The following KLRD1 variants were observed in gnomAD, a reference collection of about 807,000 sequenced individuals.
KLRD1 encodes the protein natural killer cells antigen CD94.
KLRD1 carries 21 observed loss-of-function variants against 22.6 expected under a neutral mutation model. The observed-to-expected ratio is 0.93, with a 90% CI of 0.66 to 1.34. The LOEUF is 1.34. KLRD1 is among the 40% of genes most tolerant of loss of function. The pLI is 0.00. For synonymous variants in KLRD1, 59 were observed against 71.1 expected (o/e 0.83, Z 0.85); for missense variants, 183 against 208.6 (o/e 0.88, Z 0.76).
intron 1 of KLRD1, among the ~76,000 whole-genome samples, chr12:10,258,196 C>T (rs920449788): frequency 6.6e-6 from 1 of 152,102 alleles, no homozygotes; most frequent in Non-Finnish European, 1.5e-5. Context: ...CCAAAGGAAA[C>T]AGAATTTCTT....
intron 1 of KLRD1, among the ~76,000 whole-genome samples, chr12:10,254,444 A>AC (rs1949374678): frequency 6.6e-6 from 1 of 150,854 alleles, no homozygotes; most frequent in Admixed American, 6.6e-5. Context: ...AAAAAAAAAA[A>AC]AAAAAAAACC....
intron 1 of KLRD1, among the ~76,000 whole-genome samples, chr12:10,296,027 CT>C (rs1310550194): frequency 6.6e-6 from 1 of 152,094 alleles, no homozygotes; most frequent in Non-Finnish European, 1.5e-5. Flanking sequence ...AATTATGTAG[CT>C]TTTTTTCCTA....
intron 1 of KLRD1, among the ~76,000 whole-genome samples, chr12:10,261,188 T>C (rs968382189): frequency 6.6e-6 from 1 of 152,224 alleles, no homozygotes; most frequent in Non-Finnish European, 1.5e-5. Context: ...AAGTGAAGTC[T>C]GGCTCAGTAG....
rs1209158516 is a variant in KLRD1 at position 10,317,985 on chromosome 12, G to A, written c.*3192G>A. The A allele has an allele frequency of 6.6e-6, 1 of 152,108 alleles. No individual in the cohort carries two copies. Among genetic ancestry groups the A allele is most frequent in the Admixed American group, 6.5e-5 (1 of 15,274 alleles). 9.4% of individuals were successfully genotyped at this position (152,108 alleles called of 1,614,324 possible). On this transcript the variant is annotated 3_prime_UTR_variant, in exon 6 of 6. Coordinates refer to ENST00000336164, the MANE Select transcript of KLRD1 (RefSeq NM_002262.5). The stretch of plus-strand genomic sequence containing the variant: ...TCACTATCATGAGAACAGCAAAGAG[G>A]TAACTACCCCCATGATTAAATTACC...
intron 1 of KLRD1, among the ~76,000 whole-genome samples, chr12:10,286,662 CTTTTT>C (rs747241701): frequency 2.0e-4 from 11 of 54,794 alleles, no homozygotes; most frequent in African/African-American, 3.1e-4. Flanking sequence ...GCTTATGGTG[CTTTTT>C]TTTTTTTTTT....
chr12:10,251,234 C>T (rs552854620), intron 1 of KLRD1, among the ~76,000 whole-genome samples: 2 of 152,240 alleles, frequency 1.3e-5, no homozygotes, highest in East Asian at 3.9e-4. Flanking sequence ...AAGCAATTCT[C>T]CTGCCTTGGC....
rs573405547 is a variant in KLRD1 at position 10,321,639 on chromosome 12, A to T, written c.*6846A>T. 6.6e-6 allele frequency: 1 copy of T among 152,338 alleles called. No individual in the cohort carries two copies. Among genetic ancestry groups the T allele is most frequent in the South Asian group, 2.1e-4 (1 of 4,834 alleles). 9.4% of individuals were successfully genotyped at this position (152,338 alleles called of 1,614,324 possible). ...TTGAGGCTAGATTATAAAAGACAGT[A>T]TGTCTTTGGCGTTGCCCTTTCTCAT... On this transcript the variant is annotated 3_prime_UTR_variant, in exon 6 of 6. Coordinates refer to ENST00000336164, the MANE Select transcript of KLRD1 (RefSeq NM_002262.5).
intron 1 of KLRD1, among the ~76,000 whole-genome samples, chr12:10,278,013 C>T (rs1949607333): frequency 2.0e-5 from 3 of 152,222 alleles, no homozygotes; most frequent in African/African-American, 4.8e-5. Context: ...GACAACACAG[C>T]GACCATCATA....
intron 1 of KLRD1, among the ~76,000 whole-genome samples, chr12:10,297,147 G>T (rs1346124526): frequency 6.6e-6 from 1 of 152,234 alleles, no homozygotes; most frequent in Non-Finnish European, 1.5e-5. Flanking sequence ...AAGGATGAAA[G>T]TGTACCTGTG....
chr12:10,263,947 A>G (rs1949476956), intron 1 of KLRD1, among the ~76,000 whole-genome samples: 1 of 152,084 alleles, frequency 6.6e-6, no homozygotes, highest in South Asian at 2.1e-4. Context: ...TTCTCATAGG[A>G]TGGATGTGGC....
Position 10,316,830 on chromosome 12 carries a change from T to C in KLRD1, c.*2037T>C, listed in dbSNP as rs1950241190. 1 of 152,204 alleles carries C rather than the reference T, an allele frequency of 6.6e-6. No homozygotes were observed. Among genetic ancestry groups the C allele is most frequent in the Admixed American group, 6.5e-5 (1 of 15,270 alleles). 9.4% of individuals were successfully genotyped at this position (152,204 alleles called of 1,614,324 possible). A position where few individuals can be genotyped will look rare whatever the true frequency, so the allele number is the denominator to read the frequency against. On this transcript the variant is annotated 3_prime_UTR_variant, in exon 6 of 6. Coordinates refer to ENST00000336164, the MANE Select transcript of KLRD1 (RefSeq NM_002262.5). ...GTGCAGAACCTGCAGGTTTGTTACA[T>C]AGGTATACATGTTCCAAGGTGGTTT...
At chr12:10,281,310 A>G (rs915812298) in intron 1 of KLRD1, among the ~76,000 whole-genome samples, 3 of 152,210 alleles carry the variant, frequency 2.0e-5, no homozygotes, top group African/African-American at 2.4e-5. Context: ...TATTAGCTCC[A>G]TAAGACTTTT....
chr12:10,302,774 A>G (rs1949878023), upstream of KLRD1, among the ~76,000 whole-genome samples: 1 of 150,188 alleles, frequency 6.7e-6, no homozygotes, highest in Non-Finnish European at 1.5e-5. Context: ...AAACACCTCA[A>G]AAAAAAAAAA....
rs1403911158 is a variant in KLRD1 at position 10,325,154 on chromosome 12, A to G, written c.*10361A>G. 2.0e-5 allele frequency: 3 copies of G among 151,928 alleles called. No homozygotes were observed. Among genetic ancestry groups the G allele is most frequent in the Non-Finnish European group, 4.4e-5 (3 of 67,928 alleles). 9.4% of individuals were successfully genotyped at this position (151,928 alleles called of 1,614,324 possible). A position where few individuals can be genotyped will look rare whatever the true frequency, so the allele number is the denominator to read the frequency against. On this transcript the variant is annotated 3_prime_UTR_variant, in exon 6 of 6. Transcript: ENST00000336164. ...TTTAGCTGTAGGATTTTCATAAATG[A>G]CCTTTACTAGGTTGAGAAAGTTCCC...
At chr12:10,281,900 T>A (rs1337580161) in intron 1 of KLRD1, among the ~76,000 whole-genome samples, 2 of 152,164 alleles carry the variant, frequency 1.3e-5, no homozygotes, top group Non-Finnish European at 1.5e-5. Flanking sequence ...GGTCATAAAC[T>A]TACACGGCAG....
At chr12:10,303,680 G>A (rs1321010273), upstream of KLRD1, among the ~76,000 whole-genome samples, 1 of 152,112 alleles carries the variant, frequency 6.6e-6, no homozygotes, top group Middle Eastern at 3.2e-3. Context: ...ACATATTTTA[G>A]TCTCCTGCTA....
chr12:10,295,545 A>G (rs1565462853), intron 1 of KLRD1, among the ~76,000 whole-genome samples: 1 of 152,172 alleles, frequency 6.6e-6, no homozygotes, highest in African/African-American at 2.4e-5. Flanking sequence ...ATGCTAAATA[A>G]TTTGAATTTA....
intron 1 of KLRD1, among the ~76,000 whole-genome samples, chr12:10,259,335 A>C (rs1407414295): frequency 6.6e-6 from 1 of 152,174 alleles, no homozygotes; most frequent in Non-Finnish European, 1.5e-5. Context: ...AGTTATGTAG[A>C]ATATTTTGTT....
At chr12:10,299,369 G>C (rs1949848491) in intron 1 of KLRD1, among the ~76,000 whole-genome samples, 5 of 152,020 alleles carry the variant, frequency 3.3e-5, no homozygotes, top group Admixed American at 2.6e-4. Flanking sequence ...TTTGGGTGCA[G>C]GAAATGCATA....
Sources: allele counts gnomAD v4.1 joint callset (sites outside exome capture counted in the v4.1 genomes callset), GRCh38; gene constraint gnomAD v4.1.1; transcripts MANE v1.5; gene names NCBI Gene and HGNC (gene_info 2026-07-23, HGNC 2026-07-21).